Variants in ZNF831 observed in about 807,000 individuals in gnomAD.
ZNF831 encodes the protein chromosome 20 open reading frame 174.
Under a neutral mutation model 95.8 loss-of-function variants are expected in ZNF831, and 59 were observed. The ratio of observed to expected loss-of-function variants is 0.62; its 90% CI spans 0.50 to 0.77. The LOEUF (loss-of-function observed/expected upper bound fraction) is 0.77. Among genes scored for constraint, ZNF831 ranks in the 30% least tolerant of loss-of-function variants. The pLI, the probability that ZNF831 is intolerant of heterozygous loss-of-function variation, is 0.00. For synonymous variants in ZNF831, 961 were observed against 925.5 expected, an observed-to-expected ratio of 1.04 and a Z score of -0.70; for missense variants, 2,205 against 2,164.0, an observed-to-expected ratio of 1.02 and a Z score of -0.38.
At chr20:59,167,630 T>A (rs1302355977) in intron 1 of ZNF831, among the ~76,000 whole-genome samples, 1 of 152,150 alleles carries the variant, frequency 6.6e-6, no homozygotes, top group East Asian at 1.9e-4. Context: ...AATTTCTATA[T>A]AAGTAAGATG....
At chr20:59,205,577 T>C (rs1203674113) in intron 3 of ZNF831, among the ~76,000 whole-genome samples, 2 of 152,246 alleles carry the variant, frequency 1.3e-5, no homozygotes, top group South Asian at 2.1e-4. Context: ...CTGCATTCTG[T>C]AGATCTTATT....
Position 59,140,583 on chromosome 20 carries a change from C to T in ZNF831, c.-1424-5648C>T, listed in dbSNP as rs1052271758. 1.6e-4 allele frequency among the ~76,000 whole-genome samples: 25 copies of T among 152,138 alleles called. 1 individual carries two copies. The highest frequency in any genetic ancestry group is 1.5e-3 in the Admixed American group (23 of 15,284). ...AAATAGTACAGAGAGGTCCCAGGGA[C>T]CTTTCACCCAGTTTCCTCCAATGCT... is the stretch of plus-strand genomic sequence containing the variant. On this transcript the variant is annotated intron_variant, in intron 1 of 7. Transcript: ENST00000637017.
chr20:59,145,424 T>G (rs980579819), intron 1 of ZNF831, among the ~76,000 whole-genome samples: 1 of 152,206 alleles, frequency 6.6e-6, no homozygotes, highest in Admixed American at 6.5e-5. Context: ...TCTCAGAGCC[T>G]TTACCTGGTA....
intron 4 of ZNF831, among the ~76,000 whole-genome samples, chr20:59,241,453 A>C (rs527326853): frequency 3.6e-4 from 55 of 152,300 alleles, no homozygotes; most frequent in Non-Finnish European, 6.9e-4. Context: ...AAAGAAGCCA[A>C]GTTGAAAGTA....
chr20:59,193,090 G>A lies in ZNF831; in HGVS notation c.2071G>A (p.Glu691Lys), dbSNP rs2146576979. 1 of 1,598,596 alleles carries A rather than the reference G, an allele frequency of 6.3e-7. No homozygotes were observed. The highest frequency in any genetic ancestry group is 8.5e-7 in the Non-Finnish European group (1 of 1,172,392). Residue 691 changes from glutamate (E) to lysine (K), a missense_variant, in exon 2 of 6, where the codon GAG (glutamate) becomes AAG (lysine). Physicochemically the swap from Glu to Lys is moderately conservative, Grantham distance 56. Coordinates refer to ENST00000371030, the MANE Select transcript of ZNF831 (RefSeq NM_178457.3). Reference sequence around the variant, plus strand: ...GGACATATCCGCAGGGGCAACGCCAGAGCCTTGGGGAAATCCACCAGCCCT... The same window carrying A: ...GGACATATCCGCAGGGGCAACGCCAAAGCCTTGGGGAAATCCACCAGCCCT... ...HEDISAGATPEPWGNPPALEA... is the reference protein window; with the variant it reads ...HEDISAGATPKPWGNPPALEA...
intron 3 of ZNF831, among the ~76,000 whole-genome samples, chr20:59,206,046 C>T (rs1472091599): frequency 6.6e-6 from 1 of 152,182 alleles, no homozygotes; most frequent in Non-Finnish European, 1.5e-5. Flanking sequence ...TAAATAGAAG[C>T]TCTAGTGTTT....
chr20:59,129,311 A>G (rs1244647499), intron 1 of ZNF831, among the ~76,000 whole-genome samples: 2 of 151,164 alleles, frequency 1.3e-5, no homozygotes, highest in Admixed American at 6.6e-5. Flanking sequence ...GTGTAGATGC[A>G]TGGAACCCCC....
intron 4 of ZNF831, among the ~76,000 whole-genome samples, chr20:59,243,688 T>C (rs1987451283): frequency 6.6e-6 from 1 of 152,214 alleles, no homozygotes; most frequent in Admixed American, 6.5e-5. Context: ...TAGGGAGATA[T>C]TCTTTTCCTA....
chr20:59,223,469 A>C (rs1406775551), intron 4 of ZNF831, among the ~76,000 whole-genome samples: 1 of 152,228 alleles, frequency 6.6e-6, no homozygotes, highest in Non-Finnish European at 1.5e-5. Flanking sequence ...GAGATGCAGG[A>C]GGAACGAGCC....
At chr20:59,199,507 T>A (rs1156378824) in intron 3 of ZNF831, among the ~76,000 whole-genome samples, 1 of 152,156 alleles carries the variant, frequency 6.6e-6, no homozygotes, top group Admixed American at 6.5e-5. Context: ...AGCTTGATTT[T>A]TAAGGTCAAC....
At chr20:59,175,499 A>G (rs1338331899) in intron 1 of ZNF831, among the ~76,000 whole-genome samples, 1 of 150,984 alleles carries the variant, frequency 6.6e-6, no homozygotes, top group African/African-American at 2.4e-5. Context: ...CTTCAAGTTC[A>G]CCGATTCTTT....
chr20:59,253,867 CA>C lies in ZNF831; in HGVS notation c.4189-30del, dbSNP rs529469620. ...CTTTGTACCAATTAACCTCCCCCCC[CA>C]CTTTTTTTTTCCTTTGCACTTTGTT... On this transcript the variant is annotated intron_variant, in intron 5 of 5. Coordinates refer to ENST00000371030, the MANE Select transcript of ZNF831 (RefSeq NM_178457.3). 3,192 of 1,140,032 alleles carry C rather than the reference CA, an allele frequency of 2.8e-3. 496 individuals carry two copies. The highest frequency in any genetic ancestry group is 0.01 in the African/African-American group (560 of 55,502). The allele number at this position is 1,140,032 out of a possible 1,614,324, so 70.6% of individuals were successfully genotyped here.
chr20:59,253,706 T>G (rs1411407823), intron 5 of ZNF831, among the ~76,000 whole-genome samples, 192 bp from the exon 6 acceptor site: 1 of 152,070 alleles, frequency 6.6e-6, no homozygotes, highest in African/African-American at 2.4e-5. Flanking sequence ...ATCAGGAGCT[T>G]TATTCGAGTT....
intron 2 of ZNF831, among the ~76,000 whole-genome samples, chr20:59,150,034 G>A (rs75339815): frequency 0.092 from 13,940 of 152,252 alleles, 750 homozygotes; most frequent in Non-Finnish European, 0.12. Context: ...CCCTAGAAAC[G>A]GGCTCTGTTG....
chr20:59,207,165 G>C, intron 4 of ZNF831, 109 bp downstream of exon 4: 1 of 1,364,286 alleles, frequency 7.3e-7, no homozygotes, highest in Non-Finnish European at 1.0e-6. Context: ...AGTGCCACAG[G>C]GGTCAGGCCC....
In ZNF831 at chr20:59,192,338, T is replaced by C. The variant is rs1337458143; in HGVS notation, c.1319T>C (p.Ile440Thr). Residue 440 changes from isoleucine (I) to threonine (T), a missense_variant, in exon 2 of 6, where the codon ATC (isoleucine) becomes ACC (threonine). By Grantham distance (89) the Ile-to-Thr change is moderately conservative (BLOSUM62 -1). Transcript: ENST00000371030. The surrounding 1 kb of genome is among the most constrained non-coding windows in gnomAD (Gnocchi z 5.2). ...RKTGLSKQGS[I>T]DLPTPYTYKD... ...ACCGGGCTGTCCAAACAGGGCAGCA[T>C]CGACCTGCCCACGCCCTACACCTAC... 6.2e-7 allele frequency: 1 copy of C among 1,606,482 alleles called. No homozygotes were observed. Among genetic ancestry groups the C allele is most frequent in the Admixed American group, 1.7e-5 (1 of 59,192 alleles).
chr20:59,135,647 T>C (rs414985), intron 1 of ZNF831, among the ~76,000 whole-genome samples: 140,271 of 152,122 alleles, frequency 0.92, 65,166 homozygotes, highest in Non-Finnish European at 0.98. Flanking sequence ...AGGAGAATGG[T>C]GTGAACCCGG....
Position 59,192,286 on chromosome 20 carries a change from C to T in ZNF831, c.1267C>T (p.Gln423Ter), listed in dbSNP as rs767056286. ...SHNQAVVDDA[Q>*]LDNVRPRKTG... ...CAACCAGGCGGTGGTGGACGATGCC[C>T]AGCTGGACAACGTGCGGCCCCGGAA... The change falls in exon 2 of 6, where the codon CAG becomes TAG. Residue 423 changes from glutamine to a stop codon, truncating the protein, a stop_gained. Transcript: ENST00000371030. LOFTEE classifies it high-confidence loss of function. This position sits in a 1 kb window ranked among gnomAD's most constrained non-coding sequence, Gnocchi z 5.2. The T allele has an allele frequency of 6.3e-7, 1 of 1,589,884 alleles. No individual in the cohort carries two copies. The highest frequency in any genetic ancestry group is 1.3e-5 in the African/African-American group (1 of 74,278).
chr20:59,199,353 T>G (rs998452928), intron 3 of ZNF831, among the ~76,000 whole-genome samples: 2 of 152,110 alleles, frequency 1.3e-5, no homozygotes, highest in Non-Finnish European at 2.9e-5. Flanking sequence ...ATTTAAAAGA[T>G]TATTATGTTG....
Sources: allele counts gnomAD v4.1 joint callset (sites outside exome capture counted in the v4.1 genomes callset), GRCh38; gene constraint gnomAD v4.1.1; non-coding constraint Gnocchi (gnomAD v3.1); transcripts MANE v1.5; gene names NCBI Gene and HGNC (gene_info 2026-07-23, HGNC 2026-07-21).